The following CD2AP variants were observed in gnomAD, a reference collection of about 807,000 sequenced individuals.
CD2AP encodes the protein CD2-associated protein.
CD2AP carries 46 observed loss-of-function variants against 85.1 expected under a neutral mutation model. That is an observed-to-expected ratio of 0.54 (90% CI 0.43 to 0.69). The LOEUF (loss-of-function observed/expected upper bound fraction) is 0.69, where lower values mean the gene tolerates loss of function less well. Among genes scored for constraint, CD2AP ranks in the 30% least tolerant of loss-of-function variants. The pLI, the probability that CD2AP is intolerant of heterozygous loss-of-function variation, is 0.00. For missense variants in CD2AP, 769 were observed against 729.5 expected (o/e 1.05, Z -0.62); for synonymous variants, 255 against 252.9 (o/e 1.01, Z -0.08).
chr6:47,614,258 G>A (rs1043731080), intron 17 of CD2AP, among the ~76,000 whole-genome samples: 8 of 152,214 alleles, frequency 5.3e-5, no homozygotes, highest in Non-Finnish European at 1.2e-4. Flanking sequence ...TTGACCTGCT[G>A]TGGCTTTCAA....
At position 47,477,967 on chromosome 6, in the gene CD2AP, G is replaced by A. The variant is rs564996054; in HGVS notation, c.-278G>A. On this transcript the variant is annotated 5_prime_UTR_variant, in exon 1 of 18. Transcript: ENST00000359314. ...CGGCCAGGGTGGGAAAACCGCGGTC[G>A]GGCGGGCGGGGTAGGGCCCTCCCGC... is the stretch of plus-strand genomic sequence containing the variant. The A allele has an allele frequency of 1.1e-5, 6 of 528,496 alleles. No homozygotes were observed. The highest frequency in any genetic ancestry group is 2.0e-5 in the Non-Finnish European group (6 of 298,526). 32.7% of individuals were successfully genotyped at this position (528,496 alleles called of 1,614,324 possible). A position where few individuals can be genotyped will look rare whatever the true frequency, so the allele number is the denominator to read the frequency against.
intron 2 of CD2AP, among the ~76,000 whole-genome samples, chr6:47,528,390 G>C (rs951266272): frequency 3.3e-5 from 5 of 152,128 alleles, no homozygotes; most frequent in Admixed American, 3.3e-4. Context: ...CGCCAGGCTT[G>C]TCTTGAACTC....
chr6:47,608,936 T>C (rs1169880622), intron 15 of CD2AP, among the ~76,000 whole-genome samples, 187 bp from the exon 16 acceptor site: 1 of 152,218 alleles, frequency 6.6e-6, no homozygotes, highest in Non-Finnish European at 1.5e-5. Flanking sequence ...CAAAAACCAC[T>C]AATGATTACA....
At chr6:47,588,463 G>C (rs1768689717) in intron 11 of CD2AP, among the ~76,000 whole-genome samples, 1 of 152,102 alleles carries the variant, frequency 6.6e-6, no homozygotes, top group Non-Finnish European at 1.5e-5. Context: ...TCCAGATTAT[G>C]ACGTGTTTAC....
At chr6:47,599,685 G>T (rs1769067497) in intron 13 of CD2AP, among the ~76,000 whole-genome samples, 2 of 151,974 alleles carry the variant, frequency 1.3e-5, no homozygotes, top group Admixed American at 1.3e-4. Context: ...TGAAATAGAT[G>T]TTAAAAGATG....
At chr6:47,558,047 T>C (rs1767743790) in intron 5 of CD2AP, among the ~76,000 whole-genome samples, 1 of 152,208 alleles carries the variant, frequency 6.6e-6, no homozygotes, top group Non-Finnish European at 1.5e-5. Context: ...TTCACATCCC[T>C]TGTAAGTTGG....
At chr6:47,574,838 A>G (rs1403852818) in intron 6 of CD2AP, among the ~76,000 whole-genome samples, 1 of 152,140 alleles carries the variant, frequency 6.6e-6, no homozygotes, top group Non-Finnish European at 1.5e-5. Flanking sequence ...AGGCTTTAAA[A>G]TAAAACCTTA....
chr6:47,485,576 GAA>G (rs1765548171), intron 1 of CD2AP, among the ~76,000 whole-genome samples: 2 of 141,188 alleles, frequency 1.4e-5, no homozygotes, highest in Non-Finnish European at 3.2e-5. Flanking sequence ...TAGAAAGAAA[GAA>G]ATAAAAAAAT....
chr6:47,589,565 C>CATATATATATATAT lies in CD2AP; in HGVS notation c.1109-6293_1109-6280dup, dbSNP rs1554182282. Among the ~76,000 whole-genome samples the CATATATATATATAT allele has an allele frequency of 1.7e-3, 201 of 120,980 alleles. 2 individuals are homozygous for CATATATATATATAT. Among genetic ancestry groups the CATATATATATATAT allele is most frequent in the Non-Finnish European group, 2.6e-3 (146 of 55,578 alleles). The allele number at this position is 120,980 out of a possible 152,430, so 79.4% of individuals were successfully genotyped here. On this transcript the variant is annotated intron_variant, in intron 11 of 17. Coordinates refer to ENST00000359314, the MANE Select transcript of CD2AP (RefSeq NM_012120.3). Reference sequence around the variant, plus strand: ...ACACATATATATACACACACACACACATATATATATATATATTTGTCAGAG... The same window carrying CATATATATATATAT: ...ACACATATATATACACACACACACACATATATATATATATATATATATATATATATTTGTCAGAG...
chr6:47,484,068 A>G (rs1333346367), intron 1 of CD2AP, among the ~76,000 whole-genome samples: 1 of 152,038 alleles, frequency 6.6e-6, no homozygotes, highest in Non-Finnish European at 1.5e-5. Context: ...GTTGCTTTTT[A>G]AATTTTTTTT....
At chr6:47,564,028 A>C (rs547156382) in intron 5 of CD2AP, among the ~76,000 whole-genome samples, 1 of 152,178 alleles carries the variant, frequency 6.6e-6, no homozygotes, top group African/African-American at 2.4e-5. Context: ...GAATCAGTGG[A>C]GAAGGAATCA....
intron 12 of CD2AP, among the ~76,000 whole-genome samples, chr6:47,596,313 G>A (rs988836327): frequency 5.9e-5 from 9 of 151,842 alleles, no homozygotes; most frequent in African/African-American, 9.7e-5. Flanking sequence ...TAAAGAATGC[G>A]GTACATCACA....
At chr6:47,530,389 G>C (rs965204183) in intron 2 of CD2AP, among the ~76,000 whole-genome samples, 27 of 152,010 alleles carry the variant, frequency 1.8e-4, no homozygotes, top group African/African-American at 4.6e-4. Flanking sequence ...ATCCTACCCC[G>C]ACAAAACCAT....
intron 2 of CD2AP, among the ~76,000 whole-genome samples, chr6:47,507,592 C>T (rs575483647): frequency 1.3e-5 from 2 of 152,202 alleles, no homozygotes; most frequent in African/African-American, 2.4e-5. Context: ...ATTACAGGCT[C>T]CCACCACCAC....
At chr6:47,495,673 T>G (rs1035693945) in intron 1 of CD2AP, among the ~76,000 whole-genome samples, 7 of 152,200 alleles carry the variant, frequency 4.6e-5, no homozygotes, top group African/African-American at 1.7e-4. Context: ...AATTTTCTAA[T>G]GGGTCCAAGG....
intron 5 of CD2AP, chr6:47,563,078 T>C (rs527822178): frequency 4.1e-6 from 1 of 246,078 alleles, no homozygotes; most frequent in South Asian, 1.0e-4. Flanking sequence ...GTTTGAACTC[T>C]GCTATAATTT....
At chr6:47,487,269 A>G (rs1467876504) in intron 1 of CD2AP, among the ~76,000 whole-genome samples, 1 of 152,242 alleles carries the variant, frequency 6.6e-6, no homozygotes, top group Admixed American at 6.5e-5. Context: ...AAATGGAAAT[A>G]AAAGGCTGTG....
intron 1 of CD2AP, among the ~76,000 whole-genome samples, chr6:47,497,714 G>A (rs769627529): frequency 3.1e-4 from 47 of 152,220 alleles, no homozygotes; most frequent in Middle Eastern, 6.8e-3. Flanking sequence ...ACTGCACCCG[G>A]ACAATTATAT....
chr6:47,510,546 A>G (rs574412982), intron 2 of CD2AP, among the ~76,000 whole-genome samples: 4 of 152,278 alleles, frequency 2.6e-5, no homozygotes, highest in Admixed American at 6.5e-5. Context: ...GGAGCTCCCA[A>G]TATCTAGAGC....
Sources: gnomAD v4.1 joint callset for allele counts (sites outside exome capture counted in the v4.1 genomes callset) on GRCh38, gnomAD v4.1.1 for gene constraint, MANE v1.5 for transcripts, NCBI Gene and HGNC (gene_info 2026-07-23, HGNC 2026-07-21) for gene names.